RYR3: variants seen among roughly 807,000 people sequenced by gnomAD.
The protein encoded by RYR3 is brain ryanodine receptor-calcium release channel.
RYR3 carries 207 observed loss-of-function variants against 584.3 expected under a neutral mutation model. That is an observed-to-expected ratio of 0.35 (90% CI 0.32 to 0.40). The LOEUF (loss-of-function observed/expected upper bound fraction) is 0.40, where lower values mean the gene tolerates loss of function less well. RYR3 is among the 10% of genes least tolerant of loss of function. The pLI is 1.00. For missense variants in RYR3, 5,616 were observed against 6,089.2 expected, an observed-to-expected ratio of 0.92 and a Z score of 2.59; for synonymous variants, 2,416 against 2,248.5, an observed-to-expected ratio of 1.07 and a Z score of -2.11.
At chr15:33,837,549 T>A in intron 88 of RYR3, 82 bp from the exon 89 acceptor site, 2 of 1,439,984 alleles carry the variant, frequency 1.4e-6, no homozygotes, top group Non-Finnish European at 1.8e-6. Flanking sequence ...ACAAAAGTCT[T>A]CTAAAAATAG....
At chr15:33,545,831 C>T (rs2056197853) in intron 8 of RYR3, among the ~76,000 whole-genome samples, 1 of 152,070 alleles carries the variant, frequency 6.6e-6, no homozygotes, top group African/African-American at 2.4e-5. Flanking sequence ...ATGGTGCTGA[C>T]TCTCCAGAAG....
chr15:33,764,364 G>A (rs1215718400), intron 60 of RYR3, among the ~76,000 whole-genome samples: 1 of 152,100 alleles, frequency 6.6e-6, no homozygotes, highest in Non-Finnish European at 1.5e-5. Flanking sequence ...ACTCATAAGT[G>A]GGAGTTGAAC....
chr15:33,721,043 AG>A (rs2067868958), intron 43 of RYR3, among the ~76,000 whole-genome samples: 1 of 152,226 alleles, frequency 6.6e-6, no homozygotes, highest in African/African-American at 2.4e-5. Context: ...AGCTGGACTT[AG>A]TGACTCACTT....
At chr15:33,729,460 G>T (rs1000926250) in intron 47 of RYR3, among the ~76,000 whole-genome samples, 3 of 152,076 alleles carry the variant, frequency 2.0e-5, no homozygotes, top group African/African-American at 7.2e-5. Flanking sequence ...TTTGAAAAAG[G>T]CTGGCTGGCA....
At chr15:33,469,925 C>T (rs544385059) in intron 1 of RYR3, among the ~76,000 whole-genome samples, 36 of 152,106 alleles carry the variant, frequency 2.4e-4, no homozygotes, top group African/African-American at 8.4e-4. Flanking sequence ...GAGATGAATA[C>T]GGGAATGGAG....
At chr15:33,688,116 G>A (rs1213776294) in intron 38 of RYR3, among the ~76,000 whole-genome samples, 1 of 152,166 alleles carries the variant, frequency 6.6e-6, no homozygotes, top group Non-Finnish European at 1.5e-5. Flanking sequence ...TACCATCAGA[G>A]TGAACAGGCA....
intron 19 of RYR3, among the ~76,000 whole-genome samples, chr15:33,616,249 G>A (rs370982362): frequency 9.9e-5 from 15 of 152,282 alleles, no homozygotes; most frequent in Admixed American, 7.8e-4. Flanking sequence ...TCCACATTTT[G>A]TGTTTAGAGA....
Position 33,412,543 on chromosome 15 carries a change from G to A in RYR3, c.52-60876G>A, listed in dbSNP as rs1272328283. 6.6e-6 allele frequency among the ~76,000 whole-genome samples: 1 copy of A among 152,166 alleles called. No homozygotes were observed. The highest frequency in any genetic ancestry group is 2.4e-5 in the African/African-American group (1 of 41,452). On this transcript the variant is annotated intron_variant, in intron 1 of 103. Transcript: ENST00000634891. The surrounding 1 kb of genome is among the most constrained non-coding windows in gnomAD (Gnocchi z 4.3). ...GAAGTCTCCCTGCCCTCTGGAGAAA[G>A]GAGAGGAGAGCCCCACGGTTTCTCT...
chr15:33,376,367 C>G (rs376984723), intron 1 of RYR3, among the ~76,000 whole-genome samples: 1 of 152,238 alleles, frequency 6.6e-6, no homozygotes, highest in African/African-American at 2.4e-5. Context: ...ATCCATTCCC[C>G]TCTGATGGAC....
In RYR3 at chr15:33,481,074, C is replaced by G. The variant is rs1417776634; in HGVS notation, c.171+7536C>G. ...ATCCTTTTGTCATTATCAAATTGTCCTATTTGTCCTTGGTCTTATAGTATG... is the reference window on the plus strand; with the variant it reads ...ATCCTTTTGTCATTATCAAATTGTCGTATTTGTCCTTGGTCTTATAGTATG... On this transcript the variant is annotated intron_variant, in intron 2 of 103. Transcript: ENST00000634891. Among the ~76,000 whole-genome samples the G allele has an allele frequency of 2.6e-5, 4 of 152,038 alleles. No individual in the cohort carries two copies. The East Asian group carries it at 7.7e-4, about 29-fold the overall frequency.
intron 3 of RYR3, among the ~76,000 whole-genome samples, chr15:33,514,793 AG>A (rs1381924258): frequency 1.3e-5 from 2 of 152,068 alleles, no homozygotes; most frequent in Non-Finnish European, 2.9e-5. Flanking sequence ...CGAGGTCAGG[AG>A]ATCGAGACCA....
intron 2 of RYR3, among the ~76,000 whole-genome samples, chr15:33,489,691 A>G (rs376600324): frequency 2.6e-5 from 4 of 152,274 alleles, no homozygotes; most frequent in African/African-American, 7.2e-5. Flanking sequence ...AACATTCTAG[A>G]ATGATTTCTA....
At chr15:33,774,105 C>T (rs1343384237) in intron 64 of RYR3, among the ~76,000 whole-genome samples, 2 of 152,184 alleles carry the variant, frequency 1.3e-5, no homozygotes, top group Non-Finnish European at 2.9e-5. Flanking sequence ...ATTAGCAATG[C>T]TAGTCAATAC....
intron 87 of RYR3, among the ~76,000 whole-genome samples, chr15:33,836,450 T>G (rs1286659538): frequency 6.6e-6 from 1 of 151,954 alleles, no homozygotes; most frequent in Non-Finnish European, 1.5e-5. Context: ...CACCACCAAC[T>G]AGAATTAGGA....
rs187133234 is a variant in RYR3, at chr15:33,390,364, G to A, written c.51+79268G>A. Among the ~76,000 whole-genome samples the A allele has an allele frequency of 1.8e-3, 277 of 152,252 alleles. No individual in the cohort carries two copies. Among genetic ancestry groups the A allele is most frequent in the Non-Finnish European group, 3.5e-3 (235 of 68,018 alleles). ...GTCTCTAAATTTCACCTGACCTATTGAACACTAATATTTCCAAACACTGAT... is the reference window on the plus strand; with the variant it reads ...GTCTCTAAATTTCACCTGACCTATTAAACACTAATATTTCCAAACACTGAT... On this transcript the variant is annotated intron_variant, in intron 1 of 103. Coordinates refer to ENST00000634891, the MANE Select transcript of RYR3 (RefSeq NM_001036.6). This position sits in a 1 kb window ranked among gnomAD's most constrained non-coding sequence, Gnocchi z 4.2.
chr15:33,773,507 A>C, intron 63 of RYR3, 27 bp from the exon 64 acceptor site: 2 of 1,539,344 alleles, frequency 1.3e-6, no homozygotes, highest in Admixed American at 1.8e-5. Context: ...ATTGATGCAA[A>C]TCAATGATAT....
intron 1 of RYR3, among the ~76,000 whole-genome samples, chr15:33,355,922 A>C (rs1973911193): frequency 1.3e-5 from 2 of 152,202 alleles, no homozygotes; most frequent in South Asian, 4.1e-4. Context: ...TTGTCTATTC[A>C]AAACTTGTTA....
intron 1 of RYR3, among the ~76,000 whole-genome samples, chr15:33,449,900 AG>A (rs753002465): frequency 6.6e-6 from 1 of 152,086 alleles, no homozygotes; most frequent in Non-Finnish European, 1.5e-5. Context: ...AGGGGGACAA[AG>A]GCAGCCGAGG....
chr15:33,865,552 AG>A lies in RYR3; in HGVS notation c.*327del. 1 of 254,344 alleles carries A rather than the reference AG, an allele frequency of 3.9e-6. No individual in the cohort carries two copies. The highest frequency in any genetic ancestry group is 7.6e-6 in the Non-Finnish European group (1 of 132,154). 15.8% of individuals were successfully genotyped at this position (254,344 alleles called of 1,614,324 possible). A position where few individuals can be genotyped will look rare whatever the true frequency, so the allele number is the denominator to read the frequency against. ...GAAGCATGAAGGAAAGGGCTAGAGA[AG>A]TATGAAATCTCGAATGTGTAATACC... On this transcript the variant is annotated 3_prime_UTR_variant, in exon 104 of 104. Transcript: ENST00000634891.
Sources: allele counts gnomAD v4.1 joint callset (sites outside exome capture counted in the v4.1 genomes callset), GRCh38; gene constraint gnomAD v4.1.1; non-coding constraint Gnocchi (gnomAD v3.1); transcripts MANE v1.5; gene names NCBI Gene and HGNC (gene_info 2026-07-23, HGNC 2026-07-21).